Variants in ATRNL1 observed in about 807,000 individuals in gnomAD.
ATRNL1 encodes the protein attractin like 1.
In ATRNL1, 95 loss-of-function variants were observed where a neutral mutation model predicts 182.7. The observed-to-expected ratio is 0.52, with a 90% confidence interval of 0.44 to 0.62. ATRNL1 has a LOEUF of 0.62. Among genes scored for constraint, ATRNL1 ranks in the 20% least tolerant of loss-of-function variants. The pLI is 0.00. For missense variants in ATRNL1, 1,471 were observed against 1,679.5 expected (o/e 0.88, Z 2.17); for synonymous variants, 576 against 568.3 (o/e 1.01, Z -0.19).
rs781982390 is a variant in ATRNL1, at chr10:115,461,905, T to C, written c.3323-36T>C. ...TTTGCTTTTTAGACAGTTTTTAAAG[T>C]ACATATCAGGATTGTACTTTTTTTC... On this transcript the variant is annotated intron_variant, in intron 21 of 28. Coordinates refer to ENST00000355044, the MANE Select transcript of ATRNL1 (RefSeq NM_207303.4). The C allele has an allele frequency of 2.6e-5, 39 of 1,479,668 alleles. No homozygotes were observed. The Middle Eastern group carries it at 2.3e-3, about 86-fold the overall frequency. 91.7% of individuals were successfully genotyped at this position (1,479,668 alleles called of 1,614,324 possible).
chr10:115,439,181 C>T (rs1228220056), intron 21 of ATRNL1, among the ~76,000 whole-genome samples: 1 of 151,834 alleles, frequency 6.6e-6, no homozygotes, highest in African/African-American at 2.4e-5. Context: ...TCAACGTCAT[C>T]ATGTTGAGTA....
intron 5 of ATRNL1, among the ~76,000 whole-genome samples, chr10:115,130,963 C>T (rs1265999405): frequency 6.6e-6 from 1 of 152,078 alleles, no homozygotes. Flanking sequence ...TACTTACTTT[C>T]ATTAGTCCTT....
intron 27 of ATRNL1, among the ~76,000 whole-genome samples, chr10:115,801,393 G>A (rs781913506): frequency 3.3e-5 from 5 of 152,116 alleles, no homozygotes; most frequent in Non-Finnish European, 7.4e-5. Flanking sequence ...ATCAGTGAGA[G>A]GAAGAGAAAA....
chr10:115,602,818 C>T (rs1856676992), intron 26 of ATRNL1, among the ~76,000 whole-genome samples: 1 of 150,652 alleles, frequency 6.6e-6, no homozygotes, highest in African/African-American at 2.5e-5. Context: ...CGCGCCACTG[C>T]ACTCCAGACT....
intron 19 of ATRNL1, among the ~76,000 whole-genome samples, chr10:115,363,854 C>T (rs1254403233): frequency 1.6e-4 from 23 of 147,398 alleles, no homozygotes; most frequent in South Asian, 2.2e-4. Context: ...TTTCTGAGGG[C>T]TCTGTTCTGT....
chr10:115,787,670 TTG>T, intron 27 of ATRNL1, among the ~76,000 whole-genome samples: 1 of 152,248 alleles, frequency 6.6e-6, no homozygotes, highest in South Asian at 2.1e-4. Context: ...TGTGGGTTTG[TTG>T]TTGGCTAAAA....
intron 21 of ATRNL1, among the ~76,000 whole-genome samples, chr10:115,445,047 A>T (rs1356953314): frequency 6.6e-6 from 1 of 151,790 alleles, no homozygotes; most frequent in Non-Finnish European, 1.5e-5. Flanking sequence ...TTATTATTAT[A>T]TTGTTCTTGA....
At chr10:115,240,888 CA>C (rs1177355243) in intron 9 of ATRNL1, among the ~76,000 whole-genome samples, 55 of 151,910 alleles carry the variant, frequency 3.6e-4, no homozygotes, top group African/African-American at 1.3e-3. Context: ...TTTGATTACA[CA>C]AAAAATATAT....
chr10:115,456,009 A>T (rs1246063392), intron 21 of ATRNL1, among the ~76,000 whole-genome samples: 13 of 152,176 alleles, frequency 8.5e-5, no homozygotes, highest in Admixed American at 6.5e-4. Flanking sequence ...GGATGTGGAG[A>T]AATAGGAATG....
intron 28 of ATRNL1, among the ~76,000 whole-genome samples, chr10:115,895,346 C>T (rs1043283035): frequency 6.6e-6 from 1 of 152,162 alleles, no homozygotes; most frequent in Non-Finnish European, 1.5e-5. Context: ...TCAGTATTCC[C>T]GGGTGCAGTG....
intron 27 of ATRNL1, among the ~76,000 whole-genome samples, chr10:115,797,227 G>A (rs1555083163): frequency 6.6e-6 from 1 of 152,090 alleles, no homozygotes; most frequent in Non-Finnish European, 1.5e-5. Context: ...ATAATTTGTG[G>A]GGCCCAGTAC....
intron 27 of ATRNL1, among the ~76,000 whole-genome samples, chr10:115,822,408 A>G (rs1565410316): frequency 6.6e-6 from 1 of 152,204 alleles, no homozygotes; most frequent in Non-Finnish European, 1.5e-5. Context: ...AAGCTAGAAG[A>G]AGGTAAGAAA....
chr10:115,804,991 A>G (rs1396190763), intron 27 of ATRNL1, among the ~76,000 whole-genome samples: 1 of 152,206 alleles, frequency 6.6e-6, no homozygotes, highest in African/African-American at 2.4e-5. Context: ...TGTATGTGCT[A>G]CATTTGTGTA....
At chr10:115,350,532 A>G (rs1423240824) in intron 19 of ATRNL1, among the ~76,000 whole-genome samples, 8 of 152,004 alleles carry the variant, frequency 5.3e-5, no homozygotes, top group Admixed American at 3.3e-4. Context: ...TTGAGAGACT[A>G]TTCTTGCCCC....
At chr10:115,330,286 C>T (rs1400172985) in intron 18 of ATRNL1, among the ~76,000 whole-genome samples, 2 of 151,974 alleles carry the variant, frequency 1.3e-5, no homozygotes, top group African/African-American at 2.4e-5. Flanking sequence ...TTTAACCTTC[C>T]TAATAAGGAT....
At chr10:115,417,653 C>G (rs1845458160) in intron 20 of ATRNL1, among the ~76,000 whole-genome samples, 1 of 152,188 alleles carries the variant, frequency 6.6e-6, no homozygotes, top group African/African-American at 2.4e-5. Context: ...GGTGACATAT[C>G]TCTCACCTGT....
At chr10:115,729,349 C>G (rs1275666404) in intron 27 of ATRNL1, among the ~76,000 whole-genome samples, 3 of 129,640 alleles carry the variant, frequency 2.3e-5, no homozygotes, top group African/African-American at 8.9e-5. Context: ...ATTTCATTTG[C>G]AATTTCGCTA....
intron 26 of ATRNL1, among the ~76,000 whole-genome samples, chr10:115,552,758 G>T (rs1853071673): frequency 6.6e-6 from 1 of 151,062 alleles, no homozygotes; most frequent in Non-Finnish European, 1.5e-5. Context: ...ACACACAAAA[G>T]GCTTCAATTT....
intron 26 of ATRNL1, among the ~76,000 whole-genome samples, chr10:115,646,611 C>T (rs1859629382): frequency 6.8e-6 from 1 of 147,242 alleles, no homozygotes; most frequent in Non-Finnish European, 1.5e-5. Flanking sequence ...GATATGTGGT[C>T]TTTTTCTTTT....
Sources: gnomAD v4.1 joint callset for allele counts (sites outside exome capture counted in the v4.1 genomes callset) on GRCh38, gnomAD v4.1.1 for gene constraint, MANE v1.5 for transcripts, NCBI Gene and HGNC (gene_info 2026-07-23, HGNC 2026-07-21) for gene names.